Variants in LRRTM4 observed in about 807,000 individuals in gnomAD.
The protein encoded by LRRTM4 is leucine-rich repeat transmembrane neuronal protein 4.
A neutral mutation model predicts 47.6 loss-of-function variants in LRRTM4; 25 were observed. The observed-to-expected ratio is 0.53, with a 90% CI of 0.38 to 0.73. The LOEUF (loss-of-function observed/expected upper bound fraction) is 0.73. Among genes scored for constraint, LRRTM4 ranks in the 30% least tolerant of loss-of-function variants. LRRTM4 has a pLI of 0.00. For synonymous variants in LRRTM4, 311 were observed against 269.5 expected (o/e 1.15, Z -1.51); for missense variants, 638 against 713.4 (o/e 0.89, Z 1.20).
At chr2:77,354,459 G>GT (rs1367572866) in intron 3 of LRRTM4, among the ~76,000 whole-genome samples, 1 of 152,118 alleles carries the variant, frequency 6.6e-6, no homozygotes. Flanking sequence ...TCAGCGGTTA[G>GT]TTTGAGTAGC....
At chr2:76,943,999 C>G (rs57768796) in intron 3 of LRRTM4, among the ~76,000 whole-genome samples, 8,059 of 152,140 alleles carry the variant, frequency 0.053, 495 homozygotes, top group East Asian at 0.14. Context: ...AGATTTCAGT[C>G]TTGCCCACTA....
chr2:76,858,626 C>T (rs10196177), intron 3 of LRRTM4, among the ~76,000 whole-genome samples: 39,251 of 152,006 alleles, frequency 0.26, 7,737 homozygotes, highest in African/African-American at 0.52. Flanking sequence ...AGTATTCTTT[C>T]AGTGATGATA....
chr2:77,041,250 A>T (rs1423723770), intron 3 of LRRTM4, among the ~76,000 whole-genome samples: 1 of 151,548 alleles, frequency 6.6e-6, no homozygotes, highest in Non-Finnish European at 1.5e-5. Context: ...AAATGACAGG[A>T]TTTCATTCTT....
intron 3 of LRRTM4, among the ~76,000 whole-genome samples, chr2:77,141,639 T>C (rs1255674219): frequency 6.6e-6 from 1 of 152,108 alleles, no homozygotes; most frequent in Admixed American, 6.6e-5. Flanking sequence ...TTTAACTCTA[T>C]CATTCCAAAC....
chr2:77,465,164 C>A (rs535403240), intron 3 of LRRTM4, among the ~76,000 whole-genome samples: 5 of 152,132 alleles, frequency 3.3e-5, no homozygotes, highest in East Asian at 3.9e-4. Flanking sequence ...ACAATCTTCA[C>A]GAGCTTTAGG....
At chr2:77,495,300 A>G (rs773576898) in intron 3 of LRRTM4, among the ~76,000 whole-genome samples, 1 of 152,024 alleles carries the variant, frequency 6.6e-6, no homozygotes, top group Non-Finnish European at 1.5e-5. Flanking sequence ...ATCTTTGCCA[A>G]TACTTGATCT....
intron 3 of LRRTM4, among the ~76,000 whole-genome samples, chr2:76,891,282 C>G (rs1468590691): frequency 1.3e-5 from 2 of 151,830 alleles, no homozygotes; most frequent in African/African-American, 2.4e-5. Flanking sequence ...AGCTGACCAA[C>G]TCAATCACCC....
At chr2:77,226,527 C>T (rs1674813988) in intron 3 of LRRTM4, among the ~76,000 whole-genome samples, 1 of 117,340 alleles carries the variant, frequency 8.5e-6, no homozygotes, top group African/African-American at 2.9e-5. Flanking sequence ...TATTACAGAG[C>T]AAATTATATA....
intron 3 of LRRTM4, among the ~76,000 whole-genome samples, chr2:77,205,424 G>T (rs983847891): frequency 6.6e-6 from 1 of 152,150 alleles, no homozygotes; most frequent in African/African-American, 2.4e-5. Flanking sequence ...TGAGGACATG[G>T]CATCTTTCAG....
At chr2:77,184,319 T>C (rs1301145567) in intron 3 of LRRTM4, among the ~76,000 whole-genome samples, 1 of 152,118 alleles carries the variant, frequency 6.6e-6, no homozygotes, top group Non-Finnish European at 1.5e-5. Flanking sequence ...AAGGTTTCAA[T>C]ATTTTTCTTG....
intron 3 of LRRTM4, among the ~76,000 whole-genome samples, chr2:77,187,381 G>A (rs4369888): frequency 0.46 from 70,108 of 151,004 alleles, 18,058 homozygotes; most frequent in Admixed American, 0.58. Flanking sequence ...ACAGAATCAA[G>A]GTGGAAGAGC....
At chr2:77,156,249 C>A (rs983456784) in intron 3 of LRRTM4, among the ~76,000 whole-genome samples, 3 of 144,188 alleles carry the variant, frequency 2.1e-5, no homozygotes, top group Admixed American at 7.0e-5. Context: ...TATGAAATAA[C>A]AGAATAAAAG....
chr2:76,949,956 G>C (rs185794812), intron 3 of LRRTM4, among the ~76,000 whole-genome samples: 4 of 151,834 alleles, frequency 2.6e-5, no homozygotes, highest in Non-Finnish European at 4.4e-5. Context: ...GAAAAGTAGA[G>C]ATAAGATAGA....
At chr2:76,930,949 A>G (rs372465733) in intron 3 of LRRTM4, among the ~76,000 whole-genome samples, 2 of 152,158 alleles carry the variant, frequency 1.3e-5, no homozygotes, top group African/African-American at 4.8e-5. Context: ...TCCAAAAAGA[A>G]TATTTCACAC....
At chr2:77,002,039 T>C (rs1457996317) in intron 3 of LRRTM4, among the ~76,000 whole-genome samples, 1 of 152,108 alleles carries the variant, frequency 6.6e-6, no homozygotes, top group Non-Finnish European at 1.5e-5. Context: ...TCCACACAAT[T>C]TATAAAATAC....
At chr2:77,110,945 A>T (rs1043806402) in intron 3 of LRRTM4, among the ~76,000 whole-genome samples, 1 of 152,190 alleles carries the variant, frequency 6.6e-6, no homozygotes, top group African/African-American at 2.4e-5. Context: ...TTGCTTTTGT[A>T]CTTAGAATAA....
chr2:77,367,700 G>A (rs556644650), intron 3 of LRRTM4, among the ~76,000 whole-genome samples: 2 of 151,914 alleles, frequency 1.3e-5, no homozygotes, highest in South Asian at 4.1e-4. Context: ...AGAATTGATT[G>A]TTTCCATTTC....
intron 3 of LRRTM4, among the ~76,000 whole-genome samples, chr2:76,926,314 CAAG>C (rs976822567): frequency 1.6e-4 from 24 of 152,082 alleles, no homozygotes; most frequent in Admixed American, 7.9e-4. Flanking sequence ...ACAGTTTCAA[CAAG>C]AATACACCAC....
At chr2:77,162,103 A>T (rs938281688) in intron 3 of LRRTM4, among the ~76,000 whole-genome samples, 2 of 152,190 alleles carry the variant, frequency 1.3e-5, no homozygotes, top group Non-Finnish European at 2.9e-5. Flanking sequence ...GTACCTGGAA[A>T]ATCAGGACAC....
Sources: gnomAD v4.1 joint callset for allele counts (sites outside exome capture counted in the v4.1 genomes callset) on GRCh38, gnomAD v4.1.1 for gene constraint, MANE v1.5 for transcripts, NCBI Gene and HGNC (gene_info 2026-07-23, HGNC 2026-07-21) for gene names.